Variants in CEP295NL observed in about 807,000 individuals in gnomAD.
CEP295NL encodes the protein CEP295 N-terminal like.
A neutral mutation model predicts 4.6 loss-of-function variants in CEP295NL; 3 were observed. The observed-to-expected ratio is 0.65, with a 90% confidence interval of 0.30 to 1.69. The LOEUF (loss-of-function observed/expected upper bound fraction) is 1.69, where lower values mean the gene tolerates loss of function less well. Ranked by LOEUF, CEP295NL falls within the 40% of genes most tolerant of loss-of-function variation. The pLI is 0.10. For missense variants in CEP295NL, 719 were observed against 769.0 expected, an observed-to-expected ratio of 0.93 and a Z score of 0.77; for synonymous variants, 295 against 312.2, an observed-to-expected ratio of 0.94 and a Z score of 0.58.
intron 2 of CEP295NL, among the ~76,000 whole-genome samples, chr17:78,895,507 T>C (rs76589882): frequency 6.6e-6 from 1 of 151,978 alleles, no homozygotes; most frequent in South Asian, 2.1e-4. Context: ...GGGGGAGGAA[T>C]TGGAACCCTG....
intron 2 of CEP295NL, among the ~76,000 whole-genome samples, chr17:78,893,125 G>T (rs991129772): frequency 3.3e-5 from 5 of 150,766 alleles, no homozygotes; most frequent in Non-Finnish European, 5.9e-5. Context: ...GCACATGTGT[G>T]TGCAGGGGTG....
At chr17:78,897,776 C>G (rs534802913) in intron 2 of CEP295NL, 2 of 152,408 alleles carry the variant, frequency 1.3e-5, no homozygotes, top group South Asian at 4.1e-4. Context: ...CCCACCTCGG[C>G]CTGTAACAGA....
chr17:78,894,564 TG>T (rs1218683057), intron 2 of CEP295NL, among the ~76,000 whole-genome samples: 1 of 152,194 alleles, frequency 6.6e-6, no homozygotes, highest in African/African-American at 2.4e-5. Context: ...ATAGTTTTTT[TG>T]TTTTTCAACA....
intron 1 of CEP295NL, 27 bp from the exon 2 acceptor site, chr17:78,901,953 TAAAAC>T: frequency 1.7e-6 from 1 of 597,048 alleles, no homozygotes. Flanking sequence ...CAAGCCCAGA[TAAAAC>T]AAACATCAGA....
Position 78,891,018 on chromosome 17 carries a change from C to G in CEP295NL, c.1486G>C (p.Val496Leu), listed in dbSNP as rs983769083. Residue 496 changes from valine to leucine, a missense_variant, in exon 3 of 3, where the codon GTG becomes CTG. Physicochemically the swap from Val to Leu is conservative, Grantham distance 32. Coordinates refer to ENST00000322630, the MANE Select transcript of CEP295NL (RefSeq NM_001243540.2). The surrounding 1 kb of genome is among the most constrained non-coding windows in gnomAD (Gnocchi z 4.5). ...QLHLQDQADR[V>L]GSTASRQRQK... ...CTTTGCCTGGATGCCGTCGAGCCCA[C>G]TCTGTCTGCCTGGTCTTGAAGGTGG... 6.4e-7 allele frequency: 1 copy of G among 1,551,228 alleles called. No homozygotes were observed. Among genetic ancestry groups the G allele is most frequent in the African/African-American group, 1.4e-5 (1 of 73,164 alleles).
intron 2 of CEP295NL, chr17:78,897,070 G>A: frequency 1.1e-6 from 1 of 890,654 alleles, no homozygotes; most frequent in Non-Finnish European, 1.3e-6. Context: ...CAGGCAGCGT[G>A]GAAGTGCCAG....
chr17:78,895,791 T>C (rs1568002026), intron 2 of CEP295NL, among the ~76,000 whole-genome samples: 2 of 152,126 alleles, frequency 1.3e-5, no homozygotes, highest in Admixed American at 6.5e-5. Context: ...TCGGGGCTGC[T>C]GTGAATGCCC....
intron 2 of CEP295NL, chr17:78,898,827 T>G (rs2070043251): frequency 6.6e-6 from 1 of 152,250 alleles, no homozygotes; most frequent in Non-Finnish European, 1.5e-5. Flanking sequence ...AACCTCCCCC[T>G]CCTGGGTTCA....
Position 78,892,113 on chromosome 17 carries a change from T to C in CEP295NL, c.391A>G (p.Arg131Gly), listed in dbSNP as rs1599160934. The C allele has an allele frequency of 6.4e-7, 1 of 1,551,556 alleles. No homozygotes were observed. Among genetic ancestry groups the C allele is most frequent in the East Asian group, 2.4e-5 (1 of 40,950 alleles). The change falls in exon 3 of 3, where the codon AGG becomes GGG. Residue 131 changes from arginine to glycine, a missense_variant. Physicochemically the swap from Arg to Gly is moderately radical, Grantham distance 125. Transcript: ENST00000322630. The stretch of plus-strand genomic sequence containing the variant: ...CCCAACAGACGTGCTGACTGCAGCC[T>C]GTCCAGGCCACCGACGTGCAGGTGC... Reference protein sequence around the residue: ...AQHLHVGGLDRLQSARLLGWG... With the variant: ...AQHLHVGGLDGLQSARLLGWG...
chr17:78,892,331 T>C lies in CEP295NL; in HGVS notation c.173A>G (p.Asn58Ser). The change falls in exon 3 of 3, where the codon AAC (asparagine) becomes AGC (serine). Residue 58 changes from asparagine (N) to serine (S), a missense_variant. Transcript: ENST00000322630. The part of the protein sequence containing the change: ...VSAGFADRNR[N>S]MDGAMWLSLC... Reference sequence around the variant, plus strand: ...GCTCAGCCACATGGCTCCATCCATGTTTCTGTTCCTGTCTGCGAACCCAGC... The same window carrying C: ...GCTCAGCCACATGGCTCCATCCATGCTTCTGTTCCTGTCTGCGAACCCAGC... The C allele has an allele frequency of 6.4e-7, 1 of 1,550,694 alleles. No homozygotes were observed. Among genetic ancestry groups the C allele is most frequent in the East Asian group, 2.4e-5 (1 of 40,922 alleles).
Position 78,891,458 on chromosome 17 carries a change from A to G in CEP295NL, c.1046T>C (p.Phe349Ser), listed in dbSNP as rs751185493. Residue 349 changes from phenylalanine (F) to serine (S), a missense_variant, in exon 3 of 3, where the codon TTT becomes TCT. Coordinates refer to ENST00000322630, the MANE Select transcript of CEP295NL (RefSeq NM_001243540.2). The surrounding 1 kb of genome is among the most constrained non-coding windows in gnomAD (Gnocchi z 4.5). ...KELELAFEEL[F>S]NINRKLKKHL... Reference sequence around the variant, plus strand: ...TTTTTTCAGCTTTCTGTTTATATTAAACAACTCTTCAAAGGCCAACTCCAG... The same window carrying G: ...TTTTTTCAGCTTTCTGTTTATATTAGACAACTCTTCAAAGGCCAACTCCAG... 1 of 1,550,952 alleles carries G rather than the reference A, an allele frequency of 6.4e-7. No homozygotes were observed. The highest frequency in any genetic ancestry group is 1.2e-5 in the South Asian group (1 of 84,058).
rs577042368 is a variant in CEP295NL at position 78,893,140 on chromosome 17, T to C, written c.45-681A>G. Among the ~76,000 whole-genome samples the C allele has an allele frequency of 8.8e-4, 128 of 146,078 alleles. 2 individuals carry two copies. In the East Asian group the frequency reaches 0.015, roughly 17 times the overall value. On this transcript the variant is annotated intron_variant, in intron 2 of 2. Transcript: ENST00000322630. ...GCACATGTGTGTGCAGGGGTGTGTG[T>C]GCGTACATGTGTGTGCAGGGGTGTG...
Position 78,896,877 on chromosome 17 carries a change from G to A in CEP295NL, c.45-4418C>T, listed in dbSNP as rs2070010115. On this transcript the variant is annotated intron_variant, in intron 2 of 2. Transcript: ENST00000322630. The surrounding 1 kb of genome is among the most constrained non-coding windows in gnomAD (Gnocchi z 4.4). ...GCCCATGGCAGCTCCACCCCAGACC[G>A]ATCCGATCCCAGCACCTGGGCCCAG... 1.0e-5 allele frequency: 10 copies of A among 975,588 alleles called. No individual in the cohort carries two copies. Among genetic ancestry groups the A allele is most frequent in the Non-Finnish European group, 1.2e-5 (10 of 821,334 alleles). 60.4% of individuals were successfully genotyped at this position (975,588 alleles called of 1,614,324 possible).
chr17:78,902,477 T>C lies in CEP295NL; in HGVS notation c.-98-551A>G, dbSNP rs182414489. 2.3e-3 allele frequency among the ~76,000 whole-genome samples: 353 copies of C among 152,306 alleles called. 7 individuals carry two copies. The highest frequency in any genetic ancestry group is 0.021 in the Admixed American group (329 of 15,304). ...GGGTGGGTCACGTTAGAATGAGTCC[T>C]GGCTAGGCCCACAGCAGGCTTTTCC... is the stretch of plus-strand genomic sequence containing the variant. On this transcript the variant is annotated intron_variant, in intron 1 of 2. Transcript: ENST00000322630.
rs2069876701 is a variant in CEP295NL at position 78,890,774 on chromosome 17, G to C, written c.1730C>G (p.Thr577Ser). 1 of 1,550,536 alleles carries C rather than the reference G, an allele frequency of 6.4e-7. No individual in the cohort carries two copies. Among genetic ancestry groups the C allele is most frequent in the Non-Finnish European group, 8.7e-7 (1 of 1,147,008 alleles). The change falls in exon 3 of 3, where the codon ACC becomes AGC. Residue 577 changes from threonine (T) to serine (S), a missense_variant. Coordinates refer to ENST00000322630, the MANE Select transcript of CEP295NL (RefSeq NM_001243540.2). ...SELSTTSPSG[T>S]SLADDDRHSQ... ...GTGCCGGTCGTCGTCGGCGAGGCTGGTGCCCGATGGGGAAGTGGTGCTGAG... is the reference window on the plus strand; with the variant it reads ...GTGCCGGTCGTCGTCGGCGAGGCTGCTGCCCGATGGGGAAGTGGTGCTGAG...
intron 2 of CEP295NL, chr17:78,899,717 T>G (rs2070060662): frequency 6.6e-6 from 1 of 152,208 alleles, no homozygotes; most frequent in Non-Finnish European, 1.5e-5. Context: ...TGGAATGTGC[T>G]CATGCAGGTT....
chr17:78,893,132 GGT>G (rs1218791531), intron 2 of CEP295NL, among the ~76,000 whole-genome samples: 18 of 148,174 alleles, frequency 1.2e-4, no homozygotes, highest in Non-Finnish European at 1.5e-4. Flanking sequence ...TGTGTGCAGG[GGT>G]GTGTGTGCGT....
Position 78,892,034 on chromosome 17 carries a change from TG to T in CEP295NL, c.469del (p.Gln157SerfsTer57). The T allele has an allele frequency of 1.3e-6, 2 of 1,550,816 alleles. No homozygotes were observed. Among genetic ancestry groups the T allele is most frequent in the Non-Finnish European group, 1.7e-6 (2 of 1,147,076 alleles). On this transcript the variant is annotated frameshift_variant, in exon 3 of 3. Coordinates refer to ENST00000322630, the MANE Select transcript of CEP295NL (RefSeq NM_001243540.2). LOFTEE classifies it low-confidence loss of function (END_TRUNC). Reference sequence around the variant, plus strand: ...CCTCGGGGGCCTGGCTGATCTTCGCTGGATGGGCCCCTGCGAGTCAGGCTCA... The same window carrying T: ...CCTCGGGGGCCTGGCTGATCTTCGCTGATGGGCCCCTGCGAGTCAGGCTCA... Reference protein sequence around the residue: ...ENEPDSQGPIQRRSARPPRAK... With the variant: ...ENEPDSQGPIXRRSARPPRAK...
Position 78,891,842 on chromosome 17 carries a change from T to G in CEP295NL, c.662A>C (p.Glu221Ala). ...AGGTTCTGGCCTTCCCTTTCTCTTC[T>G]CAGGCGGGGCCAGGTGAGAATTCAT... ...GRMNSHLAPP[E>A]KRKGRPEPST... The change falls in exon 3 of 3, where the codon GAG becomes GCG. Residue 221 changes from glutamate (E) to alanine (A), a missense_variant. Transcript: ENST00000322630. This position sits in a 1 kb window ranked among gnomAD's most constrained non-coding sequence, Gnocchi z 4.5. 6.4e-7 allele frequency: 1 copy of G among 1,550,744 alleles called. No homozygotes were observed. The highest frequency in any genetic ancestry group is 1.2e-5 in the South Asian group (1 of 84,066).
Sources: allele counts gnomAD v4.1 joint callset (sites outside exome capture counted in the v4.1 genomes callset), GRCh38; gene constraint gnomAD v4.1.1; non-coding constraint Gnocchi (gnomAD v3.1); transcripts MANE v1.5; gene names NCBI Gene and HGNC (gene_info 2026-07-23, HGNC 2026-07-21).